The following ICE2 variants were observed in gnomAD, a reference collection of about 807,000 sequenced individuals.
ICE2 encodes the protein little elongation complex subunit 2.
In ICE2, 87 loss-of-function variants were observed where a neutral mutation model predicts 105.4. The observed-to-expected ratio is 0.83, with a 90% CI of 0.69 to 0.99. The LOEUF (loss-of-function observed/expected upper bound fraction) is 0.99. Among genes scored for constraint, ICE2 ranks in the 50% least tolerant of loss-of-function variants. The pLI is 0.00. For missense variants in ICE2, 1,323 were observed against 1,146.7 expected, an observed-to-expected ratio of 1.15 and a Z score of -2.22; for synonymous variants, 399 against 392.0, an observed-to-expected ratio of 1.02 and a Z score of -0.21.
At chr15:60,433,331 C>T (rs1425848456) in intron 13 of ICE2, among the ~76,000 whole-genome samples, 1 of 151,904 alleles carries the variant, frequency 6.6e-6, no homozygotes, top group African/African-American at 2.4e-5. Context: ...CATGATCCAC[C>T]CGCCTCAGCT....
At chr15:60,468,871 G>C (rs1156856910) in intron 3 of ICE2, among the ~76,000 whole-genome samples, 1 of 152,142 alleles carries the variant, frequency 6.6e-6, no homozygotes, top group East Asian at 1.9e-4. Flanking sequence ...TATTGGTTTT[G>C]GAAAAGTTGT....
At position 60,421,258 on chromosome 15, in the gene ICE2, C is replaced by T. The variant is rs974500483; in HGVS notation, c.*2376G>A. On this transcript the variant is annotated 3_prime_UTR_variant, in exon 16 of 16. Coordinates refer to ENST00000261520, the MANE Select transcript of ICE2 (RefSeq NM_024611.6). ...TGAGATAGGGTCTTGATCTCTCACC[C>T]AGGATGGAGTGCAGTGGCACCATCA... is the stretch of plus-strand genomic sequence containing the variant. 2.6e-5 allele frequency: 4 copies of T among 151,878 alleles called. No homozygotes were observed. The highest frequency in any genetic ancestry group is 9.7e-5 in the African/African-American group (4 of 41,332). 9.4% of individuals were successfully genotyped at this position (151,878 alleles called of 1,614,324 possible).
chr15:60,448,752 CA>C (rs2063884583), intron 10 of ICE2, 95 bp downstream of exon 10: 1 of 1,066,408 alleles, frequency 9.4e-7, no homozygotes, highest in African/African-American at 1.6e-5. Context: ...ATGACAATTA[CA>C]AAACAGGTTA....
At position 60,423,035 on chromosome 15, in the gene ICE2, A is replaced by G. The variant is rs1566962800; in HGVS notation, c.*599T>C. 1.3e-5 allele frequency: 2 copies of G among 152,650 alleles called. No homozygotes were observed. The highest frequency in any genetic ancestry group is 4.1e-4 in the South Asian group (2 of 4,834). The allele number at this position is 152,650 out of a possible 1,614,324, so 9.5% of individuals were successfully genotyped here. On this transcript the variant is annotated 3_prime_UTR_variant, in exon 16 of 16. Transcript: ENST00000261520. ...ATTTTTTCTTTTATTAAACAAACTG[A>G]TGGTTGCCAAACAAGAAGTCAGTAA...
chr15:60,458,018 G>A (rs1380404248), intron 5 of ICE2, among the ~76,000 whole-genome samples: 1 of 152,168 alleles, frequency 6.6e-6, no homozygotes, highest in Non-Finnish European at 1.5e-5. Flanking sequence ...TGGTAAAACT[G>A]TGGTGGATGT....
intron 2 of ICE2, among the ~76,000 whole-genome samples, chr15:60,477,322 A>G (rs1041066871): frequency 1.3e-4 from 20 of 152,340 alleles, no homozygotes; most frequent in African/African-American, 4.8e-4. Context: ...CAAATACTCA[A>G]TGAACATACT....
intron 6 of ICE2, 93 bp downstream of exon 6, chr15:60,456,564 T>C (rs200515185): frequency 2.5e-5 from 2 of 80,694 alleles, no homozygotes; most frequent in Non-Finnish European, 5.0e-5. Context: ...AATAAATAAA[T>C]AAATATATAT....
At position 60,435,158 on chromosome 15, in the gene ICE2, G is replaced by A. The variant is rs138096753; in HGVS notation, c.2510+985C>T. Among the ~76,000 whole-genome samples, 58 of 152,244 alleles carry A rather than the reference G, an allele frequency of 3.8e-4. No individual in the cohort carries two copies. In the East Asian group the frequency reaches 0.01, roughly 27 times the overall value. ...TAGCTGGGTGTGGTGGCGGGCACCT[G>A]TAGTCCCAGCTACTCTGGAGGCTGA... On this transcript the variant is annotated intron_variant, in intron 13 of 15. Transcript: ENST00000261520.
chr15:60,430,436 T>C (rs2063430661), intron 14 of ICE2, among the ~76,000 whole-genome samples: 2 of 105,148 alleles, frequency 1.9e-5, no homozygotes, highest in East Asian at 9.0e-4. Context: ...TAAATTTGTG[T>C]TGTTTTATAA....
At chr15:60,450,711 C>T (rs550127560) in intron 9 of ICE2, among the ~76,000 whole-genome samples, 107 of 152,292 alleles carry the variant, frequency 7.0e-4, no homozygotes, top group African/African-American at 2.3e-3. Flanking sequence ...TGAACCTCAA[C>T]GGCCTCATCT....
At chr15:60,473,241 G>A (rs1422027273) in intron 3 of ICE2, among the ~76,000 whole-genome samples, 1 of 151,868 alleles carries the variant, frequency 6.6e-6, no homozygotes, top group East Asian at 1.9e-4. Flanking sequence ...GCTGTGCCCA[G>A]CCAAGATTAT....
intron 14 of ICE2, among the ~76,000 whole-genome samples, chr15:60,430,444 T>G (rs1031004324): frequency 1.8e-5 from 2 of 112,186 alleles, no homozygotes; most frequent in Non-Finnish European, 4.0e-5. Flanking sequence ...TGTTGTTTTA[T>G]AATCTTAATT....
chr15:60,457,689 A>C (rs2064165998), intron 5 of ICE2, among the ~76,000 whole-genome samples: 1 of 152,034 alleles, frequency 6.6e-6, no homozygotes, highest in Admixed American at 6.6e-5. Context: ...CCCTTTTCTA[A>C]TCTCTACTGC....
At chr15:60,438,185 T>C (rs2063638455) in intron 12 of ICE2, 1 of 152,214 alleles carries the variant, frequency 6.6e-6, no homozygotes, top group Admixed American at 6.5e-5. Context: ...GTATGTATTG[T>C]ACCATAGTTA....
In ICE2 at chr15:60,449,727, A is replaced by C. The variant is rs774272314; in HGVS notation, c.1240T>G (p.Ser414Ala). 6.2e-7 allele frequency: 1 copy of C among 1,614,154 alleles called. No homozygotes were observed. Among genetic ancestry groups the C allele is most frequent in the South Asian group, 1.1e-5 (1 of 91,076 alleles). Residue 414 changes from serine to alanine, a missense_variant, in exon 10 of 16, where the codon TCA becomes GCA. Transcript: ENST00000261520. ...GTACTTGCTGGACTTGGTGATTTTGATACTTTGGTGGTGGTTACTCCAAAA... is the reference window on the plus strand; with the variant it reads ...GTACTTGCTGGACTTGGTGATTTTGCTACTTTGGTGGTGGTTACTCCAAAA... ...ETFGVTTTKV[S>A]KSPSPASTST...
chr15:60,470,876 AG>A (rs2064573760), intron 3 of ICE2, among the ~76,000 whole-genome samples: 1 of 152,130 alleles, frequency 6.6e-6, no homozygotes, highest in Non-Finnish European at 1.5e-5. Flanking sequence ...AAGCTAGTAA[AG>A]GAGGTATCTT....
chr15:60,476,604 A>C (rs1247082180), intron 2 of ICE2, among the ~76,000 whole-genome samples: 4 of 152,246 alleles, frequency 2.6e-5, no homozygotes, highest in Non-Finnish European at 5.9e-5. Flanking sequence ...GCCAAAAGAC[A>C]CTACAAAGAC....
At chr15:60,451,636 A>T (rs1566989443) in intron 9 of ICE2, 1 of 984,330 alleles carries the variant, frequency 1.0e-6, no homozygotes. Flanking sequence ...AATCCAGAAA[A>T]AGCATTTTAC....
At chr15:60,424,337 G>A (rs1443138142) in intron 15 of ICE2, among the ~76,000 whole-genome samples, 1 of 144,148 alleles carries the variant, frequency 6.9e-6, no homozygotes, top group Non-Finnish European at 1.5e-5. Context: ...CCAAGTAGCA[G>A]GGAAATCCTG....
Sources: gnomAD v4.1 joint callset for allele counts (sites outside exome capture counted in the v4.1 genomes callset) on GRCh38, gnomAD v4.1.1 for gene constraint, MANE v1.5 for transcripts, NCBI Gene and HGNC (gene_info 2026-07-23, HGNC 2026-07-21) for gene names.